Variants in ABCG2 observed in about 807,000 individuals in gnomAD.
ABCG2 encodes the protein broad substrate specificity ATP-binding cassette transporter ABCG2.
ABCG2 carries 80 observed loss-of-function variants against 73.5 expected under a neutral mutation model. That is an observed-to-expected ratio of 1.09 (90% CI 0.91 to 1.31). The LOEUF (loss-of-function observed/expected upper bound fraction) is 1.31. Ranked by LOEUF, ABCG2 falls within the 50% of genes most tolerant of loss-of-function variation. The probability of loss-of-function intolerance (pLI) is 0.00; values close to 1 mark genes in which losing one functional copy is unlikely to be tolerated. For missense variants in ABCG2, 796 were observed against 786.2 expected (o/e 1.01, Z -0.15); for synonymous variants, 269 against 282.4 (o/e 0.95, Z 0.48).
intron 1 of ABCG2, among the ~76,000 whole-genome samples, chr4:88,178,610 G>A (rs1439431377): frequency 6.6e-6 from 1 of 152,150 alleles, no homozygotes; most frequent in African/African-American, 2.4e-5. Flanking sequence ...AGCACCAAAT[G>A]GGCTCTTGGG....
chr4:88,206,053 A>G (rs1170107913), intron 1 of ABCG2, among the ~76,000 whole-genome samples: 6 of 152,158 alleles, frequency 3.9e-5, no homozygotes, highest in Admixed American at 6.5e-5. Flanking sequence ...CTCTAATCCA[A>G]TCTAAACTGT....
At chr4:88,121,817 C>T in intron 5 of ABCG2, 25 bp from the exon 6 acceptor site, 2 of 1,605,832 alleles carry the variant, frequency 1.2e-6, no homozygotes, top group South Asian at 2.2e-5. Flanking sequence ...TTATAATTGT[C>T]AATGATAACA....
At chr4:88,187,877 C>T (rs897323480) in intron 1 of ABCG2, among the ~76,000 whole-genome samples, 1 of 152,172 alleles carries the variant, frequency 6.6e-6, no homozygotes, top group African/African-American at 2.4e-5. Context: ...ATTAACAACA[C>T]ACACAAATAT....
At chr4:88,223,281 G>C (rs1730078992) in intron 1 of ABCG2, among the ~76,000 whole-genome samples, 1 of 152,276 alleles carries the variant, frequency 6.6e-6, no homozygotes, top group East Asian at 1.9e-4. Context: ...AGATTTGGGA[G>C]GGTCAGGTGA....
chr4:88,215,194 G>A (rs1183164918), intron 1 of ABCG2, among the ~76,000 whole-genome samples: 1 of 152,138 alleles, frequency 6.6e-6, no homozygotes, highest in Non-Finnish European at 1.5e-5. Context: ...GACCAATGGG[G>A]ATAAAGTATA....
At chr4:88,197,132 A>G (rs1229540457) in intron 1 of ABCG2, among the ~76,000 whole-genome samples, 1 of 150,068 alleles carries the variant, frequency 6.7e-6, no homozygotes, top group African/African-American at 2.5e-5. Context: ...CCTCACCACC[A>G]CATCAGGAAA....
At chr4:88,195,918 G>C (rs528376244) in intron 1 of ABCG2, among the ~76,000 whole-genome samples, 1 of 152,130 alleles carries the variant, frequency 6.6e-6, no homozygotes, top group Admixed American at 6.6e-5. Flanking sequence ...AGTTAAACTC[G>C]GCATTTTGCC....
At chr4:88,176,734 T>C (rs989333081) in intron 1 of ABCG2, among the ~76,000 whole-genome samples, 6 of 147,148 alleles carry the variant, frequency 4.1e-5, no homozygotes, top group Admixed American at 1.4e-4. Flanking sequence ...ACTCAAGCAG[T>C]CCTCTCGCCT....
chr4:88,121,773 C>G lies in ABCG2; in HGVS notation c.551G>C (p.Arg184Pro), dbSNP rs762937915. 1 of 1,612,804 alleles carries G rather than the reference C, an allele frequency of 6.2e-7. No individual in the cohort carries two copies. Among genetic ancestry groups the G allele is most frequent in the Non-Finnish European group, 8.5e-7 (1 of 1,179,606 alleles). Reference sequence around the variant, plus strand: ...TTTTCTTTCTCCTCCAGACACACCACGGATAAACTGAGTTCCAACCTAAAT... The same window carrying G: ...TTTTCTTTCTCCTCCAGACACACCAGGGATAAACTGAGTTCCAACCTAAAT... Reference protein sequence around the residue: ...ADSKVGTQFIRGVSGGERKRT... With the variant: ...ADSKVGTQFIPGVSGGERKRT... The change falls in exon 6 of 16, where the codon CGT (arginine) becomes CCT (proline). Residue 184 changes from arginine (R) to proline (P), a missense_variant. Arg to Pro is a moderately radical substitution (Grantham distance 103). Coordinates refer to ENST00000237612, the MANE Select transcript of ABCG2 (RefSeq NM_004827.3).
chr4:88,137,544 G>A (rs535816757), intron 2 of ABCG2, among the ~76,000 whole-genome samples: 1 of 152,182 alleles, frequency 6.6e-6, no homozygotes, highest in Admixed American at 6.5e-5. Context: ...GACAGGATAT[G>A]GTGGCAGTCA....
intron 1 of ABCG2, among the ~76,000 whole-genome samples, chr4:88,150,832 A>G (rs1486214973): frequency 2.0e-5 from 3 of 152,226 alleles, no homozygotes; most frequent in Non-Finnish European, 4.4e-5. Context: ...AGAGTCCACC[A>G]TAATAATATC....
intron 11 of ABCG2, among the ~76,000 whole-genome samples, chr4:88,100,963 A>G (rs1722366121): frequency 6.6e-6 from 1 of 152,188 alleles, no homozygotes; most frequent in Admixed American, 6.5e-5. Flanking sequence ...TTTTCTCTGG[A>G]TATCAGGTCC....
chr4:88,146,620 C>T (rs1726023487), intron 1 of ABCG2, among the ~76,000 whole-genome samples: 1 of 152,096 alleles, frequency 6.6e-6, no homozygotes, highest in African/African-American at 2.4e-5. Context: ...TCTTGAACTC[C>T]CAACCTCAGG....
upstream of ABCG2, chr4:88,164,016 A>AT (rs200957741): frequency 0.045 from 6,887 of 152,848 alleles, 217 homozygotes; most frequent in Non-Finnish European, 0.062. Context: ...GCCTTTATAT[A>AT]TTTTTTTTAA....
At chr4:88,191,425 A>G (rs1253222135) in intron 1 of ABCG2, among the ~76,000 whole-genome samples, 1 of 152,034 alleles carries the variant, frequency 6.6e-6, no homozygotes, top group Non-Finnish European at 1.5e-5. Context: ...TACCCACTAA[A>G]ATAGCTATAA....
chr4:88,141,350 G>A (rs146482917), intron 1 of ABCG2, among the ~76,000 whole-genome samples: 4 of 152,164 alleles, frequency 2.6e-5, no homozygotes, highest in African/African-American at 9.6e-5. Flanking sequence ...CACAAAAATT[G>A]TACACACCTG....
upstream of ABCG2, among the ~76,000 whole-genome samples, chr4:88,163,238 GAA>G (rs1727385514): frequency 6.6e-6 from 1 of 152,184 alleles, no homozygotes. Flanking sequence ...TATGGCAAGA[GAA>G]AGTTCAGTCT....
intron 1 of ABCG2, among the ~76,000 whole-genome samples, chr4:88,201,306 A>T (rs911680928): frequency 4.0e-5 from 6 of 151,468 alleles, no homozygotes; most frequent in African/African-American, 1.2e-4. Context: ...AAGTTTTTTT[A>T]AAAAAAGAGT....
At chr4:88,150,549 T>A (rs555305653) in intron 1 of ABCG2, among the ~76,000 whole-genome samples, 81 of 152,248 alleles carry the variant, frequency 5.3e-4, no homozygotes, top group Non-Finnish European at 6.6e-4. Context: ...AGAAATGATA[T>A]CTATATTTAA....
Sources: allele counts gnomAD v4.1 joint callset (sites outside exome capture counted in the v4.1 genomes callset), GRCh38; gene constraint gnomAD v4.1.1; transcripts MANE v1.5; gene names NCBI Gene and HGNC (gene_info 2026-07-23, HGNC 2026-07-21).